Variants in SERINC5 observed in about 807,000 individuals in gnomAD.
SERINC5 encodes the protein chromosome 5 open reading frame 12.
Under a neutral mutation model 63.1 loss-of-function variants are expected in SERINC5, and 41 were observed. That is an observed-to-expected ratio of 0.65 (90% confidence interval 0.51 to 0.84). SERINC5 has a LOEUF of 0.84. SERINC5 is among the 40% of genes least tolerant of loss of function. The pLI is 0.00. For missense variants in SERINC5, 523 were observed against 573.0 expected (o/e 0.91, Z 0.89); for synonymous variants, 222 against 215.2 (o/e 1.03, Z -0.28).
At chr5:80,121,943 C>T (rs1744560862) in intron 11 of SERINC5, among the ~76,000 whole-genome samples, 2 of 152,010 alleles carry the variant, frequency 1.3e-5, no homozygotes, top group South Asian at 4.1e-4. Flanking sequence ...CCCACCAGGT[C>T]CCATCTTCAA....
At chr5:80,239,680 G>A (rs568992995) in intron 1 of SERINC5, among the ~76,000 whole-genome samples, 11 of 151,934 alleles carry the variant, frequency 7.2e-5, no homozygotes, top group African/African-American at 2.4e-4. Context: ...CTTCCACTCC[G>A]CCTCTTTTAA....
chr5:80,190,055 G>C (rs1384167609), intron 2 of SERINC5, among the ~76,000 whole-genome samples: 1 of 150,810 alleles, frequency 6.6e-6, no homozygotes, highest in Non-Finnish European at 1.5e-5. Flanking sequence ...CCTGAACGCA[G>C]TGGTAATACA....
intron 2 of SERINC5, among the ~76,000 whole-genome samples, chr5:80,185,683 C>CTCTGGTGGGCAGGAATGGGAG (rs1413645027): frequency 3.9e-5 from 6 of 152,150 alleles, no homozygotes; most frequent in African/African-American, 1.4e-4. Flanking sequence ...GGGGTTCGTT[C>CTCTGGTGGGCAGGAATGGGAG]TCTGGTGGGC....
chr5:80,210,333 C>T (rs1750377656), intron 1 of SERINC5, among the ~76,000 whole-genome samples: 1 of 152,126 alleles, frequency 6.6e-6, no homozygotes, highest in Non-Finnish European at 1.5e-5. Context: ...GAAGCTGGGC[C>T]TCCCACTTAC....
chr5:80,216,032 TCA>T (rs1750645151), intron 1 of SERINC5, among the ~76,000 whole-genome samples: 1 of 152,178 alleles, frequency 6.6e-6, no homozygotes, highest in Non-Finnish European at 1.5e-5. Flanking sequence ...ATTAAAAATA[TCA>T]TATCACACTT....
intron 2 of SERINC5, among the ~76,000 whole-genome samples, chr5:80,181,414 T>TA (rs796214325): frequency 0.17 from 19,807 of 113,700 alleles, 2,234 homozygotes; most frequent in East Asian, 0.59. Context: ...GCTCAGCTAA[T>TA]TTTGTGTGTG....
At chr5:80,148,202 T>TTTTTTTTTTTTTTTTG (rs1745948494) in intron 9 of SERINC5, among the ~76,000 whole-genome samples, 1 of 147,514 alleles carries the variant, frequency 6.8e-6, no homozygotes, top group Non-Finnish European at 1.5e-5. Flanking sequence ...TTTTTTTTTT[T>TTTTTTTTTTTTTTTTG]TTTTTGAGAT....
At chr5:80,137,688 T>C (rs1252518482), downstream of SERINC5, among the ~76,000 whole-genome samples, 1 of 139,270 alleles carries the variant, frequency 7.2e-6, no homozygotes, top group Non-Finnish European at 1.6e-5. Flanking sequence ...ACGTCTGTAA[T>C]CCCAGCACTT....
chr5:80,208,727 C>G (rs756286872), intron 1 of SERINC5, among the ~76,000 whole-genome samples: 22 of 152,172 alleles, frequency 1.4e-4, no homozygotes, highest in Non-Finnish European at 2.6e-4. Flanking sequence ...CCAGAAACTC[C>G]TCTCACAGAT....
intron 1 of SERINC5, among the ~76,000 whole-genome samples, chr5:80,206,329 A>G (rs967075983): frequency 6.6e-6 from 1 of 152,186 alleles, no homozygotes; most frequent in Non-Finnish European, 1.5e-5. Context: ...GGGTAAGACA[A>G]CATACCATAA....
At chr5:80,163,344 T>C (rs1224230231) in intron 7 of SERINC5, among the ~76,000 whole-genome samples, 1 of 152,180 alleles carries the variant, frequency 6.6e-6, no homozygotes, top group Non-Finnish European at 1.5e-5. Context: ...CTTGCCTGAG[T>C]GTCCTGGCTA....
chr5:80,245,108 G>A (rs1018015517), intron 1 of SERINC5, among the ~76,000 whole-genome samples: 3 of 152,180 alleles, frequency 2.0e-5, no homozygotes, highest in African/African-American at 7.2e-5. Flanking sequence ...TTCCCTGTTG[G>A]CTACAGGGAA....
At chr5:80,130,866 C>T (rs917602987) in intron 11 of SERINC5, among the ~76,000 whole-genome samples, 2 of 152,184 alleles carry the variant, frequency 1.3e-5, no homozygotes, top group African/African-American at 4.8e-5. Flanking sequence ...GTGAACACAT[C>T]CCTACCCCTA....
At position 80,255,878 on chromosome 5, in the gene SERINC5, G is replaced by A. The variant is rs774403061; in HGVS notation, c.27+18C>T. 72 of 1,589,816 alleles carry A rather than the reference G, an allele frequency of 4.5e-5. No individual in the cohort carries two copies. Among genetic ancestry groups the A allele is most frequent in the Non-Finnish European group, 6.1e-5 (72 of 1,172,500 alleles). On this transcript the variant is annotated intron_variant, in intron 1 of 11. Coordinates refer to ENST00000507668, the MANE Select transcript of SERINC5 (RefSeq NM_001174072.3). ...TCTCCGATCTGACAACCCCCGCGCT[G>A]CGCCCGGCCTCGCTCACCTGGCCCG...
intron 11 of SERINC5, among the ~76,000 whole-genome samples, chr5:80,131,756 C>G (rs1419402765): frequency 6.6e-6 from 1 of 152,188 alleles, no homozygotes; most frequent in East Asian, 1.9e-4. Flanking sequence ...ATATCTCACA[C>G]CTCACATAGT....
Position 80,182,042 on chromosome 5 carries a change from C to T in SERINC5, c.196-3978G>A, listed in dbSNP as rs531325425. On this transcript the variant is annotated intron_variant, in intron 2 of 11. Coordinates refer to ENST00000507668, the MANE Select transcript of SERINC5 (RefSeq NM_001174072.3). ...AACATTTATATATTGACAGAGTATA[C>T]GATTGTGTACGGTTTGCAATACTGA... Among the ~76,000 whole-genome samples, 47 of 152,180 alleles carry T rather than the reference C, an allele frequency of 3.1e-4. No homozygotes were observed. The South Asian group carries it at 9.5e-3, about 31-fold the overall frequency.
chr5:80,216,626 T>C (rs1287186180), intron 1 of SERINC5, among the ~76,000 whole-genome samples: 1 of 152,052 alleles, frequency 6.6e-6, no homozygotes, highest in Non-Finnish European at 1.5e-5. Flanking sequence ...GAAAAAGGTA[T>C]AAGAAAATGA....
In SERINC5 at chr5:80,143,746, C is replaced by T. The variant is rs893963211; in HGVS notation, c.1303G>A (p.Ala435Thr). ...GSWSIFWVKMASCWICVLLYL... is the reference protein window; with the variant it reads ...GSWSIFWVKMTSCWICVLLYL... Reference sequence around the variant, plus strand: ...AACAGCACGCATATCCAGCAGGAGGCCATCTTGACCCAGAAGATGGACCAG... The same window carrying T: ...AACAGCACGCATATCCAGCAGGAGGTCATCTTGACCCAGAAGATGGACCAG... The change falls in exon 12 of 12, where the codon GCC becomes ACC. Residue 435 changes from alanine (A) to threonine (T), a missense_variant. By Grantham distance (58) the Ala-to-Thr change is moderately conservative. Coordinates refer to ENST00000507668, the MANE Select transcript of SERINC5 (RefSeq NM_001174072.3). 1.6e-5 allele frequency: 24 copies of T among 1,536,004 alleles called. No individual in the cohort carries two copies. Among genetic ancestry groups the T allele is most frequent in the Non-Finnish European group, 2.1e-5 (24 of 1,146,886 alleles).
chr5:80,136,873 C>G (rs1458093667), downstream of SERINC5, among the ~76,000 whole-genome samples: 1 of 152,176 alleles, frequency 6.6e-6, no homozygotes, highest in Non-Finnish European at 1.5e-5. Context: ...CAGTGGCTCG[C>G]GCCTGTAATC....
Sources: allele counts gnomAD v4.1 joint callset (sites outside exome capture counted in the v4.1 genomes callset), GRCh38; gene constraint gnomAD v4.1.1; transcripts MANE v1.5; gene names NCBI Gene and HGNC (gene_info 2026-07-23, HGNC 2026-07-21).